Variants in RAB36 observed in about 807,000 individuals in gnomAD.
RAB36 encodes the protein ras-related protein Rab-36.
Under a neutral mutation model 39.3 loss-of-function variants are expected in RAB36, and 33 were observed. The observed-to-expected ratio is 0.84, with a 90% CI of 0.64 to 1.12. The LOEUF (loss-of-function observed/expected upper bound fraction) is 1.12, where lower values mean the gene tolerates loss of function less well. Among genes scored for constraint, RAB36 ranks in the 50% most tolerant of loss-of-function variants. The pLI, the probability that RAB36 is intolerant of heterozygous loss-of-function variation, is 0.00. For missense variants in RAB36, 308 were observed against 355.3 expected, an observed-to-expected ratio of 0.87 and a Z score of 1.07; for synonymous variants, 133 against 140.2, an observed-to-expected ratio of 0.95 and a Z score of 0.36.
intron 2 of RAB36, among the ~76,000 whole-genome samples, chr22:23,148,559 C>T (rs529013157): frequency 1.3e-5 from 2 of 152,330 alleles, no homozygotes; most frequent in South Asian, 2.1e-4. Context: ...TCACAGGTGG[C>T]ATTCTCCCCT....
chr22:23,168,166 C>T (rs1052685433), downstream of RAB36, among the ~76,000 whole-genome samples: 3 of 152,188 alleles, frequency 2.0e-5, no homozygotes, highest in African/African-American at 7.2e-5. Flanking sequence ...GCCCACACGG[C>T]AGATGCCAGC....
chr22:23,157,969 G>A (rs753819739), intron 6 of RAB36, 23 bp from the exon 7 acceptor site: 2 of 1,613,990 alleles, frequency 1.2e-6, no homozygotes, highest in Non-Finnish European at 1.7e-6. Context: ...CTGATTGGCT[G>A]TTGGCTTTTT....
At chr22:23,153,655 C>T in intron 5 of RAB36, 1 of 962,108 alleles carries the variant, frequency 1.0e-6, no homozygotes. Flanking sequence ...GCAGCCTTCA[C>T]TCCCTCTCCC....
intron 7 of RAB36, 36 bp downstream of exon 7, chr22:23,158,079 G>A: frequency 6.2e-7 from 1 of 1,612,386 alleles, no homozygotes; most frequent in Non-Finnish European, 8.5e-7. Context: ...CAGTCTCCCT[G>A]GGCTCAGGAA....
rs146606088 is a variant in RAB36, at chr22:23,154,924, G to A, written c.330-1044G>A. ...GTGGATCACCTGAGGTCAGGAGTTC[G>A]AGACCAGCCTGACCAACATGGAGAA... On this transcript the variant is annotated intron_variant, in intron 5 of 10. Coordinates refer to ENST00000263116, the MANE Select transcript of RAB36 (RefSeq NM_004914.5). 4.9e-3 allele frequency among the ~76,000 whole-genome samples: 751 copies of A among 152,152 alleles called. 7 individuals carry two copies. Among genetic ancestry groups the A allele is most frequent in the African/African-American group, 0.017 (706 of 41,490 alleles).
At chr22:23,152,390 G>A in intron 3 of RAB36, 71 bp from the exon 4 acceptor site, 1 of 1,508,510 alleles carries the variant, frequency 6.6e-7, no homozygotes, top group Non-Finnish European at 9.2e-7. Context: ...CTCAGGGAAG[G>A]AAGGGGCTGT....
At chr22:23,157,851 T>C in intron 6 of RAB36, 141 bp from the exon 7 acceptor site, 2 of 1,539,016 alleles carry the variant, frequency 1.3e-6, no homozygotes, top group South Asian at 1.3e-5. Flanking sequence ...CTCCTCAGCC[T>C]TCATTGTAGG....
rs2071981204 is a variant in RAB36, at chr22:23,164,352, G to A, written c.*2788G>A. The stretch of plus-strand genomic sequence containing the variant: ...TTAAATCGTCCTCATATTACCTCCT[G>A]CAATGTGCCAGCTGATTCCCACACA... On this transcript the variant is annotated 3_prime_UTR_variant, in exon 11 of 11. Coordinates refer to ENST00000263116, the MANE Select transcript of RAB36 (RefSeq NM_004914.5). 6.6e-6 allele frequency: 1 copy of A among 152,206 alleles called. No homozygotes were observed. Among genetic ancestry groups the A allele is most frequent in the South Asian group, 2.1e-4 (1 of 4,832 alleles). The allele number at this position is 152,206 out of a possible 1,614,324, so 9.4% of individuals were successfully genotyped here.
intron 2 of RAB36, 137 bp from the exon 3 acceptor site, chr22:23,149,926 C>T (rs548417603): frequency 1.4e-6 from 1 of 701,694 alleles, no homozygotes; most frequent in African/African-American, 1.7e-5. Context: ...ACAAATGGGT[C>T]AGGGAAAGCT....
At chr22:23,153,231 A>C (rs2071265111) in intron 5 of RAB36, 97 bp downstream of exon 5, 5 of 909,470 alleles carry the variant, frequency 5.5e-6, no homozygotes, top group Non-Finnish European at 8.9e-6. Flanking sequence ...GTCAAGGAGG[A>C]CTAGTCTAGA....
rs922003818 is a variant in RAB36, at chr22:23,146,666, T to C, written c.50T>C (p.Val17Ala). The change falls in exon 2 of 11, where the codon GTC (valine) becomes GCC (alanine). Residue 17 changes from valine (V) to alanine (A), a missense_variant. Coordinates refer to ENST00000263116, the MANE Select transcript of RAB36 (RefSeq NM_004914.5). ...PLGPPVSRDR[V>A]IASFPKWYTP... ...GGGCCCCCTGTGAGCCGCGACCGTG[T>C]CATCGCCAGCTTCCCTAAGGTAGAG... The C allele has an allele frequency of 6.2e-7, 1 of 1,613,908 alleles. No homozygotes were observed. Among genetic ancestry groups the C allele is most frequent in the African/African-American group, 1.3e-5 (1 of 74,924 alleles).
In RAB36 at chr22:23,161,727, A is replaced by C. The variant is rs2071818532; in HGVS notation, c.*163A>C. On this transcript the variant is annotated 3_prime_UTR_variant, in exon 11 of 11. Coordinates refer to ENST00000263116, the MANE Select transcript of RAB36 (RefSeq NM_004914.5). ...CACCCACCGGGCTCAGCTCCAGGGC[A>C]CAGTCACTTGTCCGTTGCAGGTTGG... 1 of 629,532 alleles carries C rather than the reference A, an allele frequency of 1.6e-6. No homozygotes were observed. Among genetic ancestry groups the C allele is most frequent in the South Asian group, 1.9e-5 (1 of 51,352 alleles). The allele number at this position is 629,532 out of a possible 1,614,324, so 39.0% of individuals were successfully genotyped here. A position where few individuals can be genotyped will look rare whatever the true frequency, so the allele number is the denominator to read the frequency against.
At chr22:23,147,107 T>C (rs1330786493) in intron 2 of RAB36, among the ~76,000 whole-genome samples, 1 of 152,192 alleles carries the variant, frequency 6.6e-6, no homozygotes, top group Non-Finnish European at 1.5e-5. Context: ...ATCGTTGTTG[T>C]TATCAAAACA....
chr22:23,153,124 AGCC>A lies in RAB36; in HGVS notation c.320_322del (p.Ser107_Leu108delinsIle), dbSNP rs2071255401. 2 of 1,613,602 alleles carry A rather than the reference AGCC, an allele frequency of 1.2e-6. No individual in the cohort carries two copies. The highest frequency in any genetic ancestry group is 1.7e-6 in the Non-Finnish European group (2 of 1,179,668). The stretch of plus-strand genomic sequence containing the variant: ...CTTTGAGATTGCTGGGATTCCCTAT[AGCC>A]TCCAGATGTAAGTTGCTGGTTCCCC... On this transcript the variant is annotated inframe_deletion, in exon 5 of 11. Transcript: ENST00000263116.
chr22:23,145,419 G>A (rs571546121), upstream of RAB36: 1 of 1,610,274 alleles, frequency 6.2e-7, no homozygotes. Flanking sequence ...CCAGTCCAAC[G>A]CAGACCCCGC....
chr22:23,160,447 T>C (rs1267858148), intron 9 of RAB36, among the ~76,000 whole-genome samples: 2 of 152,204 alleles, frequency 1.3e-5, no homozygotes, highest in Admixed American at 6.5e-5. Context: ...AAAGGCTCCA[T>C]GTGGGGGCTG....
intron 3 of RAB36, among the ~76,000 whole-genome samples, chr22:23,150,855 G>A (rs1251075783): frequency 1.3e-5 from 2 of 152,102 alleles, no homozygotes; most frequent in Non-Finnish European, 2.9e-5. Flanking sequence ...TACCCCTCCT[G>A]GGTGCTCTTG....
chr22:23,153,103 G>A lies in RAB36; in HGVS notation c.298G>A (p.Glu100Lys). 2.5e-6 allele frequency: 4 copies of A among 1,614,146 alleles called. No homozygotes were observed. Among genetic ancestry groups the A allele is most frequent in the Non-Finnish European group, 3.4e-6 (4 of 1,179,996 alleles). The change falls in exon 5 of 11, where the codon GAG becomes AAG. Residue 100 changes from glutamate to lysine, a missense_variant. Physicochemically the swap from Glu to Lys is moderately conservative, Grantham distance 56 (BLOSUM62 1). Coordinates refer to ENST00000263116, the MANE Select transcript of RAB36 (RefSeq NM_004914.5). Reference sequence around the variant, plus strand: ...GGTGGACTTTGAAATTGAGCGCTTTGAGATTGCTGGGATTCCCTATAGCCT... The same window carrying A: ...GGTGGACTTTGAAATTGAGCGCTTTAAGATTGCTGGGATTCCCTATAGCCT... ...IGVDFEIERF[E>K]IAGIPYSLQI...
rs760321786 is a variant in RAB36, at chr22:23,150,138, A to G, written c.145A>G (p.Asn49Asp). 2.0e-5 allele frequency: 33 copies of G among 1,612,166 alleles called. No homozygotes were observed. Among genetic ancestry groups the G allele is most frequent in the Non-Finnish European group, 2.8e-5 (33 of 1,179,332 alleles). The change falls in exon 3 of 11, where the codon AAC (asparagine) becomes GAC (aspartate). Residue 49 changes from asparagine to aspartate, a missense_variant. Physicochemically the swap from Asn to Asp is conservative, Grantham distance 23 (BLOSUM62 1). Transcript: ENST00000263116. ...GGTCAGCGCTGCCTGCCAACGCAGG[A>G]ACACGGGGACTGTCGGGTGAGCCTG... ...GQVSAACQRR[N>D]TGTVGLKLSK...
Sources: gnomAD v4.1 joint callset for allele counts (sites outside exome capture counted in the v4.1 genomes callset) on GRCh38, gnomAD v4.1.1 for gene constraint, MANE v1.5 for transcripts, NCBI Gene and HGNC (gene_info 2026-07-23, HGNC 2026-07-21) for gene names.